The following CEMIP variants were observed in gnomAD, a reference collection of about 807,000 sequenced individuals.
CEMIP encodes the protein cell migration inducing hyaluronidase 1, also known as cell migration-inducing and hyaluronan-binding protein.
Under a neutral mutation model 156.9 loss-of-function variants are expected in CEMIP, and 105 were observed. The observed-to-expected ratio is 0.67, with a 90% CI of 0.57 to 0.79. CEMIP has a LOEUF of 0.79. Ranked by LOEUF, CEMIP falls within the 30% of genes least tolerant of loss-of-function variation. The pLI is 0.00. For missense variants in CEMIP, 1,457 were observed against 1,769.4 expected, an observed-to-expected ratio of 0.82 and a Z score of 3.17; for synonymous variants, 676 against 668.4, an observed-to-expected ratio of 1.01 and a Z score of -0.17.
chr15:80,873,976 G>A lies in CEMIP; in HGVS notation c.94+3G>A, dbSNP rs1192115890. 4.5e-6 allele frequency: 7 copies of A among 1,565,288 alleles called. No homozygotes were observed. Among genetic ancestry groups the A allele is most frequent in the South Asian group, 3.5e-5 (3 of 85,204 alleles). Reference sequence around the variant, plus strand: ...CTTCCCTGGGGCCACATCCACAGGTGAGCACTGCAAACAGATGGACCTCTG... The same window carrying A: ...CTTCCCTGGGGCCACATCCACAGGTAAGCACTGCAAACAGATGGACCTCTG... On this transcript the variant is annotated splice_donor_region_variant and intron_variant, in intron 3 of 29. Transcript: ENST00000394685.
At chr15:80,850,796 T>G (rs949169558) in intron 1 of CEMIP, among the ~76,000 whole-genome samples, 2 of 152,154 alleles carry the variant, frequency 1.3e-5, no homozygotes, top group African/African-American at 4.8e-5. Context: ...GGATTGTCAG[T>G]GACAGAAACC....
At chr15:80,898,697 G>C (rs901695207) in intron 12 of CEMIP, among the ~76,000 whole-genome samples, 2 of 152,244 alleles carry the variant, frequency 1.3e-5, no homozygotes, top group Non-Finnish European at 2.9e-5. Flanking sequence ...ACAAGCATAA[G>C]CCACCACACC....
At chr15:80,857,556 T>G (rs945169857) in intron 1 of CEMIP, among the ~76,000 whole-genome samples, 58 of 152,282 alleles carry the variant, frequency 3.8e-4, no homozygotes, top group African/African-American at 1.3e-3. Flanking sequence ...AGAAGGTGTC[T>G]TAGAGCAGAG....
chr15:80,867,256 A>G (rs563602107), intron 1 of CEMIP, among the ~76,000 whole-genome samples: 1 of 152,316 alleles, frequency 6.6e-6, no homozygotes, highest in African/African-American at 2.4e-5. Flanking sequence ...CTACACTGAT[A>G]GGCATAAGAA....
rs557218847 is a variant in CEMIP at position 80,921,945 on chromosome 15, A to G, written c.2074-64A>G. The stretch of plus-strand genomic sequence containing the variant: ...CATCTCCGGCGTGGGCCGCGTGGCC[A>G]CCTTGCCCAGGAGCTCTCTGGGGCT... On this transcript the variant is annotated intron_variant, in intron 16 of 29. Transcript: ENST00000394685. 159 of 1,610,996 alleles carry G rather than the reference A, an allele frequency of 9.9e-5. No individual in the cohort carries two copies. In the African/African-American group the frequency reaches 1.9e-3, roughly 19 times the overall value.
At chr15:80,826,043 C>A (rs1217946684) in intron 1 of CEMIP, among the ~76,000 whole-genome samples, 3 of 152,196 alleles carry the variant, frequency 2.0e-5, no homozygotes, top group Admixed American at 2.0e-4. Flanking sequence ...ACCATCTGCA[C>A]GTCTTTCTTC....
intron 1 of CEMIP, among the ~76,000 whole-genome samples, chr15:80,783,052 C>A (rs1451881175): frequency 1.3e-5 from 2 of 152,214 alleles, no homozygotes; most frequent in African/African-American, 4.8e-5. Flanking sequence ...GTCCTCAGGA[C>A]AGACAGAGCA....
At chr15:80,925,858 C>A in intron 19 of CEMIP, 103 bp downstream of exon 19, 1 of 1,477,082 alleles carries the variant, frequency 6.8e-7, no homozygotes, top group Non-Finnish European at 9.0e-7. Flanking sequence ...GGAAGCCAGA[C>A]ATACTGACGT....
chr15:80,851,714 C>A (rs1418254941), intron 1 of CEMIP, among the ~76,000 whole-genome samples: 1 of 151,962 alleles, frequency 6.6e-6, no homozygotes, highest in Non-Finnish European at 1.5e-5. Flanking sequence ...GGCAGGGGGT[C>A]ATCTGGTGGT....
intron 1 of CEMIP, among the ~76,000 whole-genome samples, chr15:80,843,338 A>G (rs1897471092): frequency 6.6e-6 from 1 of 152,232 alleles, no homozygotes; most frequent in East Asian, 1.9e-4. Flanking sequence ...CATTTATTGA[A>G]GACCTACTAT....
At chr15:80,905,929 C>T (rs549531856) in intron 12 of CEMIP, among the ~76,000 whole-genome samples, 31 of 152,204 alleles carry the variant, frequency 2.0e-4, no homozygotes, top group African/African-American at 6.7e-4. Context: ...CACTGCTCCA[C>T]GTGGTACCAT....
intron 28 of CEMIP, among the ~76,000 whole-genome samples, chr15:80,945,314 C>A (rs2141753627): frequency 6.6e-6 from 1 of 152,350 alleles, no homozygotes; most frequent in South Asian, 2.1e-4. Context: ...AGAAGCCCAT[C>A]TCTCTGTCCC....
chr15:80,921,215 A>C, intron 16 of CEMIP, 114 bp downstream of exon 16: 3 of 925,028 alleles, frequency 3.2e-6, no homozygotes, highest in Non-Finnish European at 3.4e-6. Context: ...CCAGATATCC[A>C]TGCAGACGGG....
intron 1 of CEMIP, among the ~76,000 whole-genome samples, chr15:80,804,772 C>A (rs1896468727): frequency 6.6e-6 from 1 of 152,124 alleles, no homozygotes; most frequent in African/African-American, 2.4e-5. Flanking sequence ...AAACCGAGGT[C>A]TTTCCTCTGG....
chr15:80,846,694 C>T (rs1555430114), intron 1 of CEMIP, among the ~76,000 whole-genome samples: 1 of 152,202 alleles, frequency 6.6e-6, no homozygotes, highest in Non-Finnish European at 1.5e-5. Flanking sequence ...GTCCCGATGC[C>T]ACTAGGTGGG....
intron 1 of CEMIP, among the ~76,000 whole-genome samples, chr15:80,865,999 G>A (rs546307758): frequency 6.6e-6 from 1 of 152,298 alleles, no homozygotes; most frequent in East Asian, 1.9e-4. Flanking sequence ...CTAACGATGT[G>A]AGCTGAATGA....
chr15:80,839,633 C>T (rs114346700), intron 1 of CEMIP, among the ~76,000 whole-genome samples: 5,213 of 152,198 alleles, frequency 0.034, 316 homozygotes, highest in African/African-American at 0.12. Context: ...AGGGGCTGTG[C>T]TGCAAATGCT....
intron 12 of CEMIP, among the ~76,000 whole-genome samples, chr15:80,898,175 G>C (rs1472324664): frequency 6.6e-6 from 1 of 152,210 alleles, no homozygotes; most frequent in Non-Finnish European, 1.5e-5. Flanking sequence ...AGGCAGAATA[G>C]AATAAAGAAC....
chr15:80,897,187 G>C, intron 12 of CEMIP: 1 of 448,254 alleles, frequency 2.2e-6, no homozygotes, highest in South Asian at 1.6e-5. Context: ...ATACCACCTG[G>C]AGGAGTATTA....
Sources: allele counts gnomAD v4.1 joint callset (sites outside exome capture counted in the v4.1 genomes callset), GRCh38; gene constraint gnomAD v4.1.1; transcripts MANE v1.5; gene names NCBI Gene and HGNC (gene_info 2026-07-23, HGNC 2026-07-21).